ZNF138: variants seen among roughly 807,000 people sequenced by gnomAD.
The protein encoded by ZNF138 is zinc finger protein 138.
ZNF138 carries 33 observed loss-of-function variants against 33.0 expected under a neutral mutation model. That is an observed-to-expected ratio of 1.00 (90% CI 0.76 to 1.34). The LOEUF (loss-of-function observed/expected upper bound fraction) is 1.34, where lower values mean the gene tolerates loss of function less well. ZNF138 is among the 40% of genes most tolerant of loss of function. ZNF138 has a pLI of 0.00. For missense variants in ZNF138, 360 were observed against 370.8 expected (o/e 0.97, Z 0.24); for synonymous variants, 139 against 120.4 (o/e 1.15, Z -1.01).
At chr7:64,825,935 A>G (rs1480207477) in intron 3 of ZNF138, among the ~76,000 whole-genome samples, 1 of 152,152 alleles carries the variant, frequency 6.6e-6, no homozygotes, top group Non-Finnish European at 1.5e-5. Flanking sequence ...TCCCAAACTC[A>G]GATGATCCTT....
chr7:64,860,481 G>A, the ZNF138 span, among the ~76,000 whole-genome samples: 2 of 151,932 alleles, frequency 1.3e-5, no homozygotes, highest in African/African-American at 2.4e-5. Flanking sequence ...GTTACATTAG[G>A]GCCATTAATG....
chr7:64,827,545 G>T (rs759043698), intron 3 of ZNF138, among the ~76,000 whole-genome samples: 32 of 152,058 alleles, frequency 2.1e-4, no homozygotes, highest in Non-Finnish European at 3.8e-4. Flanking sequence ...TTGTAGAAGT[G>T]TTCTAGTGGT....
downstream of ZNF138, among the ~76,000 whole-genome samples, chr7:64,834,743 CTT>C (rs1423233833): frequency 1.3e-5 from 2 of 152,034 alleles, no homozygotes; most frequent in Non-Finnish European, 2.9e-5. Flanking sequence ...TGGAGAGGCT[CTT>C]TGTGTTTAAT....
downstream of ZNF138, chr7:64,835,646 A>G (rs746017617): frequency 2.6e-5 from 4 of 152,148 alleles, no homozygotes; most frequent in East Asian, 1.9e-4. Context: ...AAGAATAAAC[A>G]TGTCCCTCCT....
At chr7:64,820,712 C>A (rs1008283309) in intron 3 of ZNF138, among the ~76,000 whole-genome samples, 12 of 151,356 alleles carry the variant, frequency 7.9e-5, no homozygotes, top group Non-Finnish European at 1.5e-4. Context: ...TACAGGCACT[C>A]ACCACCATGC....
the ZNF138 span, among the ~76,000 whole-genome samples, chr7:64,841,444 A>G: frequency 6.6e-6 from 1 of 152,200 alleles, no homozygotes; most frequent in African/African-American, 2.4e-5. Flanking sequence ...CTTGCTGTGT[A>G]GCAGATGCTC....
In ZNF138 at chr7:64,818,884, A is replaced by G. The variant is rs972092832; in HGVS notation, c.208+3231A>G. On this transcript the variant is annotated intron_variant, in intron 3 of 3. Transcript: ENST00000307355. ...CAAAATACCTGCCTTCCATGAGTACACAGTCAAATATTGCAGTTATCTGGA... is the reference window on the plus strand; with the variant it reads ...CAAAATACCTGCCTTCCATGAGTACGCAGTCAAATATTGCAGTTATCTGGA... Among the ~76,000 whole-genome samples the G allele has an allele frequency of 4.6e-5, 7 of 152,334 alleles. No individual in the cohort carries two copies. In the South Asian group the frequency reaches 1.5e-3, roughly 32 times the overall value.
At chr7:64,844,668 T>TG in the ZNF138 span, among the ~76,000 whole-genome samples, 38,661 of 148,108 alleles carry the variant, frequency 0.26, 5,419 homozygotes, top group Non-Finnish European at 0.31. Context: ...AAGTTTTATG[T>TG]GTTTTTTTGT....
chr7:64,811,111 C>A (rs958432132), intron 1 of ZNF138, among the ~76,000 whole-genome samples: 1 of 152,054 alleles, frequency 6.6e-6, no homozygotes, highest in African/African-American at 2.4e-5. Context: ...CTATATTTAG[C>A]TTTAATTCTA....
chr7:64,795,678 TG>T (rs1786631738), intron 1 of ZNF138, among the ~76,000 whole-genome samples: 1 of 148,100 alleles, frequency 6.8e-6, no homozygotes, highest in Admixed American at 6.8e-5. Context: ...AAAATCTCTG[TG>T]CCTTTTTTTT....
At chr7:64,848,887 A>G in the ZNF138 span, among the ~76,000 whole-genome samples, 1 of 151,700 alleles carries the variant, frequency 6.6e-6, no homozygotes, top group Non-Finnish European at 1.5e-5. Flanking sequence ...TGTATTTTTA[A>G]TAGAGACAGC....
At chr7:64,840,242 T>C in the ZNF138 span, among the ~76,000 whole-genome samples, 1 of 152,178 alleles carries the variant, frequency 6.6e-6, no homozygotes, top group Non-Finnish European at 1.5e-5. Context: ...CAATGAAGTA[T>C]TATTATGCCA....
chr7:64,839,582 G>A, the ZNF138 span, among the ~76,000 whole-genome samples: 1 of 151,864 alleles, frequency 6.6e-6, no homozygotes, highest in South Asian at 2.1e-4. Flanking sequence ...TCTCGGCCAG[G>A]GAGGAATGGA....
intron 3 of ZNF138, among the ~76,000 whole-genome samples, chr7:64,827,767 G>A (rs1789759340): frequency 6.6e-6 from 1 of 151,818 alleles, no homozygotes; most frequent in Non-Finnish European, 1.5e-5. Context: ...GTACTTGATG[G>A]TGTCTAGTAA....
chr7:64,814,543 G>T (rs1278269505), intron 1 of ZNF138, among the ~76,000 whole-genome samples: 1 of 152,092 alleles, frequency 6.6e-6, no homozygotes, highest in Non-Finnish European at 1.5e-5. Context: ...GAGGAGGGTG[G>T]ATCACGAGGT....
At chr7:64,809,026 T>A (rs1486511638) in intron 1 of ZNF138, among the ~76,000 whole-genome samples, 1 of 128,640 alleles carries the variant, frequency 7.8e-6, no homozygotes, top group Non-Finnish European at 1.7e-5. Context: ...CTCAATCTTT[T>A]CCCCACCTTT....
At chr7:64,851,076 C>T in the ZNF138 span, among the ~76,000 whole-genome samples, 1 of 152,220 alleles carries the variant, frequency 6.6e-6, no homozygotes, top group African/African-American at 2.4e-5. Context: ...TAACAACTTG[C>T]TTACCTATCA....
chr7:64,830,904 A>G, intron 3 of ZNF138: 2 of 1,531,380 alleles, frequency 1.3e-6, no homozygotes, highest in Non-Finnish European at 1.8e-6. Flanking sequence ...AATAGTCAGT[A>G]GTCACTTGCT....
the ZNF138 span, among the ~76,000 whole-genome samples, chr7:64,850,915 G>C: frequency 6.6e-6 from 1 of 151,796 alleles, no homozygotes; most frequent in East Asian, 1.9e-4. Context: ...TCAGTCTGGG[G>C]GTATAATAGT....
Sources: allele counts gnomAD v4.1 joint callset (sites outside exome capture counted in the v4.1 genomes callset), GRCh38; gene constraint gnomAD v4.1.1; transcripts MANE v1.5; gene names NCBI Gene and HGNC (gene_info 2026-07-23, HGNC 2026-07-21).